The following CPEB4 variants were observed in gnomAD, a reference collection of about 807,000 sequenced individuals.
The protein encoded by CPEB4 is cytoplasmic polyadenylation element binding protein 4.
CPEB4 carries 12 observed loss-of-function variants against 72.5 expected under a neutral mutation model. That is an observed-to-expected ratio of 0.17 (90% CI 0.11 to 0.27). CPEB4 has a LOEUF of 0.27. Ranked by LOEUF, CPEB4 falls within the 10% of genes least tolerant of loss-of-function variation. The pLI is 1.00. For missense variants in CPEB4, 614 were observed against 908.5 expected, an observed-to-expected ratio of 0.68 and a Z score of 4.17; for synonymous variants, 302 against 326.3, an observed-to-expected ratio of 0.93 and a Z score of 0.80.
chr5:173,917,961 A>G (rs1756935015), intron 2 of CPEB4, among the ~76,000 whole-genome samples: 1 of 152,170 alleles, frequency 6.6e-6, no homozygotes, highest in Admixed American at 6.5e-5. Flanking sequence ...CTCGGTTTGG[A>G]TGATACCAAG....
chr5:173,945,440 C>A (rs768690482), intron 5 of CPEB4, among the ~76,000 whole-genome samples: 5 of 152,176 alleles, frequency 3.3e-5, no homozygotes, highest in Non-Finnish European at 5.9e-5. Context: ...GCGTTTTTGT[C>A]TGTGTGTGCT....
intron 1 of CPEB4, among the ~76,000 whole-genome samples, chr5:173,901,984 C>T (rs1346029446): frequency 2.0e-5 from 3 of 152,026 alleles, no homozygotes; most frequent in East Asian, 1.9e-4. Flanking sequence ...GGATTTGCTG[C>T]CTGTGTAGGG....
intron 2 of CPEB4, among the ~76,000 whole-genome samples, chr5:173,931,538 A>G (rs1321841185): frequency 4.6e-5 from 7 of 152,190 alleles, no homozygotes; most frequent in Admixed American, 4.6e-4. Context: ...AGGGTTCTTC[A>G]GTCATTCTTC....
chr5:173,894,640 T>C (rs1014710438), intron 1 of CPEB4, among the ~76,000 whole-genome samples: 1 of 143,470 alleles, frequency 7.0e-6, no homozygotes, highest in African/African-American at 2.7e-5. Flanking sequence ...AAAAAAAAAA[T>C]CTAACATGCC....
chr5:173,951,970 C>A, intron 8 of CPEB4, 32 bp downstream of exon 8: 4 of 1,354,326 alleles, frequency 3.0e-6, no homozygotes, highest in Non-Finnish European at 4.2e-6. Context: ...ACTCTCTACC[C>A]TATAGCGCAA....
rs1472309094 is a variant in CPEB4 at position 173,888,756 on chromosome 5, A to G, written c.-978A>G. 5.2e-6 allele frequency: 2 copies of G among 382,072 alleles called. No individual in the cohort carries two copies. The highest frequency in any genetic ancestry group is 9.3e-6 in the Non-Finnish European group (2 of 216,058). The allele number at this position is 382,072 out of a possible 1,614,324, so 23.7% of individuals were successfully genotyped here. A position where few individuals can be genotyped will look rare whatever the true frequency, so the allele number is the denominator to read the frequency against. On this transcript the variant is annotated 5_prime_UTR_variant, in exon 1 of 10. The change abolishes an upstream ATG in the 5' untranslated region. Transcript: ENST00000265085. This position sits in a 1 kb window ranked among gnomAD's most constrained non-coding sequence, Gnocchi z 4.3. ...ACTGAACAAACCGCCCCTGGGTCCC[A>G]TGAGGGAAAAAAACCCCGGAGCCGC...
intron 1 of CPEB4, among the ~76,000 whole-genome samples, chr5:173,907,006 C>T (rs1756460343): frequency 1.3e-5 from 2 of 152,218 alleles, no homozygotes; most frequent in Non-Finnish European, 2.9e-5. Context: ...TGGTGGCTTA[C>T]ACCTGTAATC....
intron 4 of CPEB4, among the ~76,000 whole-genome samples, chr5:173,943,251 G>A (rs892122131): frequency 1.3e-5 from 2 of 152,052 alleles, no homozygotes; most frequent in African/African-American, 2.4e-5. Flanking sequence ...AGAATGGTGG[G>A]ATTTGGATTT....
rs1042734481 is a variant in CPEB4 at position 173,960,357 on chromosome 5, T to C, written c.*4220T>C. 6.5e-6 allele frequency: 1 copy of C among 152,704 alleles called. No homozygotes were observed. Among genetic ancestry groups the C allele is most frequent in the Non-Finnish European group, 1.5e-5 (1 of 68,044 alleles). The allele number at this position is 152,704 out of a possible 1,614,324, so 9.5% of individuals were successfully genotyped here. A position where few individuals can be genotyped will look rare whatever the true frequency, so the allele number is the denominator to read the frequency against. On this transcript the variant is annotated 3_prime_UTR_variant, in exon 10 of 10. Transcript: ENST00000265085. ...CTTTTTAACACAAGTAGATGATGCTTTCTTGACTGGGAATGTAACATTTTA... is the reference window on the plus strand; with the variant it reads ...CTTTTTAACACAAGTAGATGATGCTCTCTTGACTGGGAATGTAACATTTTA...
rs188205331 is a variant in CPEB4, at chr5:173,947,559, T to G, written c.1457-1949T>G. On this transcript the variant is annotated intron_variant, in intron 5 of 9. Transcript: ENST00000265085. ...AAATGTCTTTACAGGTATTGGGAGCTAGGTTTCTCCCTGCAAAAAGAGAAT... is the reference window on the plus strand; with the variant it reads ...AAATGTCTTTACAGGTATTGGGAGCGAGGTTTCTCCCTGCAAAAAGAGAAT... Among the ~76,000 whole-genome samples, 3 of 152,172 alleles carry G rather than the reference T, an allele frequency of 2.0e-5. No homozygotes were observed. The East Asian group carries it at 5.8e-4, about 29-fold the overall frequency.
At chr5:173,894,144 C>A (rs1462022688) in intron 1 of CPEB4, among the ~76,000 whole-genome samples, 1 of 152,112 alleles carries the variant, frequency 6.6e-6, no homozygotes, top group Non-Finnish European at 1.5e-5. Context: ...CAGGCACATA[C>A]TACTATGCCC....
At chr5:173,909,733 C>G (rs1292240850) in intron 1 of CPEB4, among the ~76,000 whole-genome samples, 1 of 152,030 alleles carries the variant, frequency 6.6e-6, no homozygotes, top group African/African-American at 2.4e-5. Flanking sequence ...GATCTGGTGG[C>G]TCATGCCTGT....
chr5:173,907,869 G>A (rs375182908), intron 1 of CPEB4, among the ~76,000 whole-genome samples: 3 of 152,268 alleles, frequency 2.0e-5, no homozygotes, highest in South Asian at 2.1e-4. Flanking sequence ...CTGACTTGGC[G>A]CACCATCACC....
rs199725800 is a variant in CPEB4 at position 173,944,938 on chromosome 5, T to G, written c.1283-29T>G. 783 of 1,579,456 alleles carry G rather than the reference T, an allele frequency of 5.0e-4. 5 individuals carry two copies. The Middle Eastern group carries it at 5.7e-3, about 12-fold the overall frequency. On this transcript the variant is annotated intron_variant, in intron 4 of 9. Transcript: ENST00000265085. ...ATCAGTGGCAAGGAACATTTTCTGT[T>G]ACCGTTTTTTCCCTGCTTTCTATTC...
intron 1 of CPEB4, 72 bp downstream of exon 1, chr5:173,890,930 G>A: frequency 7.1e-7 from 1 of 1,400,440 alleles, no homozygotes; most frequent in East Asian, 2.3e-5. Context: ...TGTAACTAGA[G>A]TTTGAAGTGC....
chr5:173,944,745 T>C (rs1285663650), intron 4 of CPEB4, among the ~76,000 whole-genome samples: 4 of 152,206 alleles, frequency 2.6e-5, no homozygotes, highest in Non-Finnish European at 5.9e-5. Context: ...AGTGGGATAC[T>C]TGAGTCGCCT....
chr5:173,955,159 T>C lies in CPEB4; in HGVS notation c.1963-751T>C, dbSNP rs937086641. 5.9e-5 allele frequency among the ~76,000 whole-genome samples: 9 copies of C among 152,224 alleles called. No homozygotes were observed. The highest frequency in any genetic ancestry group is 2.2e-4 in the African/African-American group (9 of 41,448). On this transcript the variant is annotated intron_variant, in intron 9 of 9. Transcript: ENST00000265085. The surrounding 1 kb of genome is among the most constrained non-coding windows in gnomAD (Gnocchi z 4.7). ...TAAAAATAACCAGCTCTTTTCTAGC[T>C]GATGAATTAATAACCAGGTGACTGT...
rs1758371787 is a variant in CPEB4 at position 173,956,200 on chromosome 5, C to T, written c.*63C>T. The T allele has an allele frequency of 7.6e-7, 1 of 1,318,350 alleles. No homozygotes were observed. Among genetic ancestry groups the T allele is most frequent in the Admixed American group, 1.7e-5 (1 of 58,000 alleles). 81.7% of individuals were successfully genotyped at this position (1,318,350 alleles called of 1,614,324 possible). A position where few individuals can be genotyped will look rare whatever the true frequency, so the allele number is the denominator to read the frequency against. ...AGTGCACTCTTCTGTTCATTCTGAC[C>T]CCTTCCTCAACCTCTTCACGCTGGC... On this transcript the variant is annotated 3_prime_UTR_variant, in exon 10 of 10. Transcript: ENST00000265085.
intron 2 of CPEB4, among the ~76,000 whole-genome samples, chr5:173,925,169 G>A (rs1006611865): frequency 3.3e-5 from 5 of 152,200 alleles, no homozygotes; most frequent in African/African-American, 7.2e-5. Context: ...TGGCTGGAGT[G>A]CCTGATGTGG....
Sources: gnomAD v4.1 joint callset for allele counts (sites outside exome capture counted in the v4.1 genomes callset) on GRCh38, gnomAD v4.1.1 for gene constraint, Gnocchi (gnomAD v3.1) non-coding constraint, MANE v1.5 for transcripts, NCBI Gene and HGNC (gene_info 2026-07-23, HGNC 2026-07-21) for gene names.